The following IRAK4 variants were observed in gnomAD, a reference collection of about 807,000 sequenced individuals.
IRAK4 encodes the protein interleukin-1 receptor-associated kinase 4.
IRAK4 carries 44 observed loss-of-function variants against 51.8 expected under a neutral mutation model. The ratio of observed to expected loss-of-function variants is 0.85; its 90% CI spans 0.67 to 1.09. The LOEUF (loss-of-function observed/expected upper bound fraction) is 1.09. IRAK4 is among the 50% of genes least tolerant of loss of function. The pLI is 0.00. For missense variants in IRAK4, 487 were observed against 538.0 expected, an observed-to-expected ratio of 0.91 and a Z score of 0.94; for synonymous variants, 149 against 174.1, an observed-to-expected ratio of 0.86 and a Z score of 1.13.
chr12:43,764,862 C>G (rs4251444), intron 1 of IRAK4, among the ~76,000 whole-genome samples: 10,903 of 152,262 alleles, frequency 0.072, 421 homozygotes, highest in Middle Eastern at 0.14. Flanking sequence ...AAAACCCTCT[C>G]TAATAAGCAG....
chr12:43,767,179 T>A (rs1255321949), intron 1 of IRAK4, among the ~76,000 whole-genome samples: 1 of 152,142 alleles, frequency 6.6e-6, no homozygotes, highest in Non-Finnish European at 1.5e-5. Flanking sequence ...TTTGTCTTAA[T>A]TGGAAGGAAA....
At chr12:43,770,973 CT>C (rs557950722) in intron 2 of IRAK4, 101 of 623,380 alleles carry the variant, frequency 1.6e-4, no homozygotes, top group East Asian at 3.5e-4. Context: ...CTCTCTCTCT[CT>C]TTTTTTTTCT....
chr12:43,779,658 C>A (rs1302391606), intron 8 of IRAK4, among the ~76,000 whole-genome samples: 2 of 152,046 alleles, frequency 1.3e-5, no homozygotes, highest in Non-Finnish European at 2.9e-5. Flanking sequence ...ATAATGGCAT[C>A]CAGACTTGCA....
chr12:43,782,701 T>C (rs570174277), intron 9 of IRAK4, among the ~76,000 whole-genome samples: 4 of 152,328 alleles, frequency 2.6e-5, no homozygotes, highest in South Asian at 4.1e-4. Flanking sequence ...CTACAAGAAA[T>C]GATTTTCTTG....
chr12:43,774,018 A>T lies in IRAK4; in HGVS notation c.705A>T (p.Lys235Asn), dbSNP rs748253425. 1 of 1,609,752 alleles carries T rather than the reference A, an allele frequency of 6.2e-7. No individual in the cohort carries two copies. The highest frequency in any genetic ancestry group is 8.5e-7 in the Non-Finnish European group (1 of 1,177,628). ...AACAGCAGTTTGATCAAGAAATAAA[A>T]GTAATGGCAAAGTAAGTCTTAATCT... Reference protein sequence around the residue: ...ELKQQFDQEIKVMAKCQHENL... With the variant: ...ELKQQFDQEINVMAKCQHENL... Residue 235 changes from lysine (K) to asparagine (N), a missense_variant, in exon 6 of 12, where the codon AAA becomes AAT. Coordinates refer to ENST00000613694, the MANE Select transcript of IRAK4 (RefSeq NM_016123.4).
intron 2 of IRAK4, among the ~76,000 whole-genome samples, chr12:43,770,816 G>A (rs1446963437): frequency 6.6e-6 from 1 of 152,164 alleles, no homozygotes; most frequent in Admixed American, 6.5e-5. Context: ...ATTGCAACAG[G>A]GTTGATAGGT....
At chr12:43,775,874 CTTTTT>C (rs770553873) in intron 6 of IRAK4, among the ~76,000 whole-genome samples, 3 of 90,540 alleles carry the variant, frequency 3.3e-5, no homozygotes, top group African/African-American at 1.5e-4. Flanking sequence ...AATATCATTA[CTTTTT>C]TTTTTTTTTT....
At chr12:43,762,207 T>A (rs1939637262) in intron 1 of IRAK4, among the ~76,000 whole-genome samples, 1 of 152,136 alleles carries the variant, frequency 6.6e-6, no homozygotes, top group Non-Finnish European at 1.5e-5. Flanking sequence ...AAAGTAAAAT[T>A]TTAATTTCTG....
chr12:43,774,918 T>TA (rs1355196465), intron 6 of IRAK4, among the ~76,000 whole-genome samples: 1 of 152,250 alleles, frequency 6.6e-6, no homozygotes, highest in South Asian at 2.1e-4. Flanking sequence ...GTCTAACCCT[T>TA]ACAACTGTTA....
intron 8 of IRAK4, among the ~76,000 whole-genome samples, chr12:43,780,335 A>C (rs537273813): frequency 1.3e-5 from 2 of 152,274 alleles, no homozygotes; most frequent in Non-Finnish European, 2.9e-5. Flanking sequence ...ACTTTTTTTA[A>C]GCTGGCAGAG....
rs1287096672 is a variant in IRAK4, at chr12:43,788,229, G to A, written c.*1514G>A. 6.6e-6 allele frequency: 1 copy of A among 152,246 alleles called. No individual in the cohort carries two copies. Among genetic ancestry groups the A allele is most frequent in the Admixed American group, 6.5e-5 (1 of 15,284 alleles). 9.4% of individuals were successfully genotyped at this position (152,246 alleles called of 1,614,324 possible). A position where few individuals can be genotyped will look rare whatever the true frequency, so the allele number is the denominator to read the frequency against. On this transcript the variant is annotated 3_prime_UTR_variant, in exon 12 of 12. Transcript: ENST00000613694. The stretch of plus-strand genomic sequence containing the variant: ...GAGGGGTATGTGGAAATTATACAGA[G>A]CATGTACAGCGGGAGGCTTATAGTG...
intron 1 of IRAK4, among the ~76,000 whole-genome samples, chr12:43,763,898 C>T (rs1939839037): frequency 6.6e-6 from 1 of 152,184 alleles, no homozygotes; most frequent in African/African-American, 2.4e-5. Flanking sequence ...TTTATACCAA[C>T]CTGCCACCTT....
At chr12:43,768,021 A>G in intron 1 of IRAK4, 82 bp from the exon 2 acceptor site, 2 of 979,564 alleles carry the variant, frequency 2.0e-6, no homozygotes, top group Non-Finnish European at 3.2e-6. Flanking sequence ...TTCATATGAT[A>G]TAGCAAAGTG....
intron 2 of IRAK4, chr12:43,768,733 C>T (rs1405281128): frequency 6.5e-6 from 1 of 153,860 alleles, no homozygotes; most frequent in Non-Finnish European, 1.4e-5. Flanking sequence ...CAAGTGTACA[C>T]TTCTGTGCAC....
At chr12:43,762,899 A>G (rs1174454892) in intron 1 of IRAK4, among the ~76,000 whole-genome samples, 2 of 152,216 alleles carry the variant, frequency 1.3e-5, no homozygotes, top group East Asian at 3.8e-4. Flanking sequence ...ATATATCTGT[A>G]TTTAAACCTC....
At chr12:43,768,957 C>T (rs544627239) in intron 2 of IRAK4, among the ~76,000 whole-genome samples, 1 of 152,112 alleles carries the variant, frequency 6.6e-6, no homozygotes, top group African/African-American at 2.4e-5. Flanking sequence ...TGGGAAAGAA[C>T]CTAAAAGACT....
At position 43,783,663 on chromosome 12, in the gene IRAK4, T is replaced by C. The variant is rs1485449123; in HGVS notation, c.1127T>C (p.Val376Ala). The part of the protein sequence containing the change: ...PKSDIYSFGV[V>A]LLEIITGLPA... The stretch of plus-strand genomic sequence containing the variant: ...TAATGATTTTTTTTGTCTTCATAGG[T>C]TTTACTAGAAATAATAACTGGACTT... Residue 376 changes from valine to alanine, a missense_variant and splice_region_variant, in exon 10 of 12, where the codon GTT becomes GCT. Coordinates refer to ENST00000613694, the MANE Select transcript of IRAK4 (RefSeq NM_016123.4). 6.3e-7 allele frequency: 1 copy of C among 1,596,112 alleles called. No homozygotes were observed. Among genetic ancestry groups the C allele is most frequent in the East Asian group, 2.2e-5 (1 of 44,776 alleles).
intron 6 of IRAK4, among the ~76,000 whole-genome samples, chr12:43,776,576 A>G (rs1941292570): frequency 6.6e-6 from 1 of 152,250 alleles, no homozygotes; most frequent in Non-Finnish European, 1.5e-5. Context: ...CTAGGCTGTC[A>G]TGTTTACATT....
chr12:43,763,251 G>A (rs1939753689), intron 1 of IRAK4: 2 of 152,172 alleles, frequency 1.3e-5, no homozygotes, highest in Admixed American at 6.5e-5. Context: ...ACTACTTTGT[G>A]AAAAGGCTAT....
Sources: gnomAD v4.1 joint callset for allele counts (sites outside exome capture counted in the v4.1 genomes callset) on GRCh38, gnomAD v4.1.1 for gene constraint, MANE v1.5 for transcripts, NCBI Gene and HGNC (gene_info 2026-07-23, HGNC 2026-07-21) for gene names.